Variants in PCDH15 observed in about 807,000 individuals in gnomAD.
PCDH15 encodes protocadherin-15.
A neutral mutation model predicts 178.5 loss-of-function variants in PCDH15; 129 were observed. That is an observed-to-expected ratio of 0.72 (90% CI 0.63 to 0.84). PCDH15 has a LOEUF of 0.84. PCDH15 is among the 40% of genes least tolerant of loss of function. The pLI, the probability that PCDH15 is intolerant of heterozygous loss-of-function variation, is 0.00. For synonymous variants in PCDH15, 800 were observed against 732.0 expected, an observed-to-expected ratio of 1.09 and a Z score of -1.50; for missense variants, 2,230 against 2,099.9, an observed-to-expected ratio of 1.06 and a Z score of -1.21.
intron 5 of PCDH15, among the ~76,000 whole-genome samples, chr10:54,365,174 G>GT (rs1715450664): frequency 6.6e-6 from 1 of 152,120 alleles, no homozygotes; most frequent in African/African-American, 2.4e-5. Context: ...TTTTTGCCAG[G>GT]TAAGTGTACA....
chr10:53,990,544 A>G (rs1452828479), intron 21 of PCDH15, among the ~76,000 whole-genome samples: 2 of 148,702 alleles, frequency 1.3e-5, no homozygotes, highest in East Asian at 3.9e-4. Context: ...TGTTTTATAT[A>G]TGTTATATAT....
intron 2 of PCDH15, among the ~76,000 whole-genome samples, chr10:55,108,460 CTAAA>C (rs1453848611): frequency 2.6e-5 from 4 of 151,964 alleles, no homozygotes; most frequent in Middle Eastern, 3.2e-3. Context: ...ACACAAATGA[CTAAA>C]TATGCAAAGT....
intron 2 of PCDH15, among the ~76,000 whole-genome samples, chr10:54,930,806 T>G (rs1430056069): frequency 6.6e-6 from 1 of 152,190 alleles, no homozygotes; most frequent in African/African-American, 2.4e-5. Flanking sequence ...GGAATTCAGT[T>G]AATAGTTCTT....
intron 1 of PCDH15, among the ~76,000 whole-genome samples, chr10:55,303,299 G>A (rs1843335756): frequency 6.6e-6 from 1 of 152,150 alleles, no homozygotes; most frequent in Non-Finnish European, 1.5e-5. Context: ...TTTCATTACT[G>A]AAGGGTTTGG....
At chr10:54,721,944 A>C (rs551995096) in intron 1 of PCDH15, among the ~76,000 whole-genome samples, 1 of 151,882 alleles carries the variant, frequency 6.6e-6, no homozygotes, top group Non-Finnish European at 1.5e-5. Context: ...AATATCCTTG[A>C]TGTGCCTAAT....
intron 2 of PCDH15, among the ~76,000 whole-genome samples, chr10:54,978,054 GAATTA>G (rs1329956350): frequency 6.6e-6 from 1 of 152,006 alleles, no homozygotes; most frequent in Non-Finnish European, 1.5e-5. Flanking sequence ...CCTATAACCT[GAATTA>G]AATTCGAGAA....
chr10:54,214,610 G>C (rs893306951), intron 9 of PCDH15, among the ~76,000 whole-genome samples: 2 of 152,044 alleles, frequency 1.3e-5, no homozygotes, highest in Non-Finnish European at 2.9e-5. Context: ...ATTTATTTTT[G>C]AGATAGAGCC....
At chr10:54,254,236 A>G (rs11813265) in intron 8 of PCDH15, among the ~76,000 whole-genome samples, 104,105 of 151,844 alleles carry the variant, frequency 0.69, 36,673 homozygotes, top group Middle Eastern at 0.76. Context: ...TTAAGAAGCA[A>G]TGATTAGAAT....
At chr10:54,216,346 C>T (rs137959050) in intron 9 of PCDH15, among the ~76,000 whole-genome samples, 3,533 of 152,150 alleles carry the variant, frequency 0.023, 125 homozygotes, top group African/African-American at 0.08. Context: ...ATCCCAGCTA[C>T]TCGGGAGGCT....
At chr10:55,147,856 T>C (rs1433717526) in intron 2 of PCDH15, among the ~76,000 whole-genome samples, 4 of 151,648 alleles carry the variant, frequency 2.6e-5, no homozygotes, top group Non-Finnish European at 5.9e-5. Context: ...CCTGTCTATC[T>C]TTCTGTTTAA....
chr10:54,699,481 A>G (rs960559169), intron 1 of PCDH15, among the ~76,000 whole-genome samples: 1 of 152,050 alleles, frequency 6.6e-6, no homozygotes, highest in African/African-American at 2.4e-5. Context: ...GCATGTTTTC[A>G]ATATGACAGA....
chr10:53,996,494 G>A (rs1193479607), intron 20 of PCDH15, among the ~76,000 whole-genome samples: 3 of 152,090 alleles, frequency 2.0e-5, no homozygotes, highest in African/African-American at 7.2e-5. Flanking sequence ...TAGCACTTCA[G>A]TGCGAGGCAC....
intron 2 of PCDH15, among the ~76,000 whole-genome samples, chr10:55,016,651 G>A (rs184809388): frequency 2.4e-3 from 367 of 152,214 alleles, no homozygotes; most frequent in African/African-American, 8.5e-3. Flanking sequence ...GCAATCATCT[G>A]TTGATGGACA....
intron 1 of PCDH15, among the ~76,000 whole-genome samples, chr10:54,696,622 T>C (rs2095229156): frequency 6.6e-6 from 1 of 152,090 alleles, no homozygotes; most frequent in African/African-American, 2.4e-5. Flanking sequence ...GCACTGGCAG[T>C]TGAAAGTTAA....
intron 2 of PCDH15, among the ~76,000 whole-genome samples, chr10:55,359,771 C>CACATAT (rs1491128091): frequency 7.3e-6 from 1 of 136,666 alleles, no homozygotes; most frequent in African/African-American, 2.9e-5. Context: ...CACACACACA[C>CACATAT]ATATATATAT....
At chr10:55,143,877 C>T (rs907944358) in intron 2 of PCDH15, among the ~76,000 whole-genome samples, 1 of 151,964 alleles carries the variant, frequency 6.6e-6, no homozygotes, top group Non-Finnish European at 1.5e-5. Flanking sequence ...AATGTACTTG[C>T]CAAATTTTAC....
At chr10:54,336,813 C>T (rs1941259783) in intron 6 of PCDH15, among the ~76,000 whole-genome samples, 1 of 152,170 alleles carries the variant, frequency 6.6e-6, no homozygotes, top group Admixed American at 6.5e-5. Context: ...GGGCCACTGT[C>T]CTCCAGAACC....
At chr10:54,454,345 T>C (rs1347979322) in intron 3 of PCDH15, among the ~76,000 whole-genome samples, 1 of 149,634 alleles carries the variant, frequency 6.7e-6, no homozygotes, top group African/African-American at 2.4e-5. Flanking sequence ...AGAATTACTG[T>C]GGGCAATTAA....
At position 54,664,246 on chromosome 10, in the gene PCDH15, T is replaced by C. The variant is rs751253853; in HGVS notation, c.17A>G (p.Tyr6Cys). The change falls in exon 2 of 38, where the codon TAT (tyrosine) becomes TGT (cysteine). Residue 6 changes from tyrosine (Y) to cysteine (C), a missense_variant. Physicochemically the swap from Tyr to Cys is radical, Grantham distance 194. Transcript: ENST00000644397. ...CCCTGAAGCTAAACATGTCCAGAGA[T>C]AAAACTGTCGAAACATCTTCTGTCA... The part of the protein sequence containing the change: MFRQF[Y>C]LWTCLASGII... The C allele has an allele frequency of 5.6e-6, 9 of 1,611,602 alleles. No homozygotes were observed. Among genetic ancestry groups the C allele is most frequent in the Non-Finnish European group, 7.6e-6 (9 of 1,178,476 alleles).
Sources: gnomAD v4.1 joint callset for allele counts (sites outside exome capture counted in the v4.1 genomes callset) on GRCh38, gnomAD v4.1.1 for gene constraint, MANE v1.5 for transcripts, NCBI Gene and HGNC (gene_info 2026-07-23, HGNC 2026-07-21) for gene names.